NELL2: variants seen among roughly 807,000 people sequenced by gnomAD.
NELL2 encodes the protein protein kinase C-binding protein NELL2.
NELL2 carries 41 observed loss-of-function variants against 109.6 expected under a neutral mutation model. The ratio of observed to expected loss-of-function variants is 0.37; its 90% CI spans 0.29 to 0.49. NELL2 has a LOEUF of 0.49. Among genes scored for constraint, NELL2 ranks in the 20% least tolerant of loss-of-function variants. The pLI is 0.98. For synonymous variants in NELL2, 355 were observed against 344.7 expected (o/e 1.03, Z -0.33); for missense variants, 900 against 1,008.3 (o/e 0.89, Z 1.45).
chr12:44,875,811 T>A lies in NELL2; in HGVS notation c.55+4A>T. 6.2e-7 allele frequency: 1 copy of A among 1,613,536 alleles called. No homozygotes were observed. The highest frequency in any genetic ancestry group is 8.5e-7 in the Non-Finnish European group (1 of 1,179,996). On this transcript the variant is annotated splice_donor_region_variant and intron_variant, in intron 1 of 19. Transcript: ENST00000429094. ...TCCCCAGCCCCAGCTCTGCGGCCACTCACCTGCTCCGAGACCGAAGATCAA... is the reference window on the plus strand; with the variant it reads ...TCCCCAGCCCCAGCTCTGCGGCCACACACCTGCTCCGAGACCGAAGATCAA...
At chr12:44,684,091 T>C (rs1948626040) in intron 12 of NELL2, among the ~76,000 whole-genome samples, 1 of 152,244 alleles carries the variant, frequency 6.6e-6, no homozygotes, top group South Asian at 2.1e-4. Flanking sequence ...TGCCACAATT[T>C]CAGAGCCTGT....
chr12:44,901,485 T>C (rs1945660340), intron 1 of NELL2, among the ~76,000 whole-genome samples: 2 of 152,168 alleles, frequency 1.3e-5, no homozygotes, highest in Non-Finnish European at 2.9e-5. Context: ...AAGGAGCTGG[T>C]ACCATTCCTT....
intron 10 of NELL2, among the ~76,000 whole-genome samples, chr12:44,711,831 C>A (rs60346357): frequency 5.3e-5 from 8 of 151,980 alleles, no homozygotes; most frequent in Admixed American, 4.6e-4. Flanking sequence ...GAGATTCTCA[C>A]AGATGATTCT....
At chr12:44,773,194 G>T (rs1392498908) in intron 9 of NELL2, among the ~76,000 whole-genome samples, 1 of 152,160 alleles carries the variant, frequency 6.6e-6, no homozygotes, top group African/African-American at 2.4e-5. Context: ...GTTAAAGCAG[G>T]GCAGGGCACG....
At chr12:44,546,395 A>G (rs1299860700) in intron 15 of NELL2, among the ~76,000 whole-genome samples, 1 of 151,978 alleles carries the variant, frequency 6.6e-6, no homozygotes, top group Non-Finnish European at 1.5e-5. Context: ...TATAACAACC[A>G]CTTCCATCTC....
intron 15 of NELL2, among the ~76,000 whole-genome samples, chr12:44,583,075 T>C (rs1005375031): frequency 4.6e-5 from 7 of 152,164 alleles, no homozygotes; most frequent in Non-Finnish European, 8.8e-5. Flanking sequence ...AAATTTCTTT[T>C]CACTAAAATT....
At chr12:44,758,227 T>A (rs571319466) in intron 9 of NELL2, among the ~76,000 whole-genome samples, 1 of 152,224 alleles carries the variant, frequency 6.6e-6, no homozygotes, top group African/African-American at 2.4e-5. Context: ...CTATTCAAAA[T>A]CTGGAAATTG....
At chr12:44,554,397 A>G (rs1943159684) in intron 15 of NELL2, among the ~76,000 whole-genome samples, 1 of 152,212 alleles carries the variant, frequency 6.6e-6, no homozygotes, top group Non-Finnish European at 1.5e-5. Flanking sequence ...ATGCTAGGAA[A>G]TGCAAAGTAA....
intron 3 of NELL2, among the ~76,000 whole-genome samples, chr12:44,802,255 C>T (rs1365714615): frequency 1.3e-5 from 2 of 151,936 alleles, no homozygotes; most frequent in South Asian, 2.1e-4. Context: ...TAGTGGAAAA[C>T]ATGAGGTTTA....
intron 2 of NELL2, among the ~76,000 whole-genome samples, chr12:44,839,093 G>A (rs1944142744): frequency 6.7e-6 from 1 of 149,962 alleles, no homozygotes; most frequent in Non-Finnish European, 1.5e-5. Context: ...TGCCACACGT[G>A]TGAATTTATA....
At chr12:44,899,390 G>T (rs1184462657) in intron 1 of NELL2, among the ~76,000 whole-genome samples, 1 of 152,208 alleles carries the variant, frequency 6.6e-6, no homozygotes, top group African/African-American at 2.4e-5. Context: ...ACAAAGGGAA[G>T]CACATCAGAC....
chr12:44,520,374 C>A (rs1190613005), intron 18 of NELL2, 145 bp from the exon 19 acceptor site: 3 of 654,982 alleles, frequency 4.6e-6, no homozygotes, highest in Non-Finnish European at 7.7e-6. Context: ...GCCCATGAAT[C>A]TTTCAGGGAA....
intron 13 of NELL2, among the ~76,000 whole-genome samples, chr12:44,623,039 G>A (rs889828312): frequency 6.6e-6 from 1 of 151,962 alleles, no homozygotes; most frequent in African/African-American, 2.4e-5. Flanking sequence ...ATCTTTAAAG[G>A]TCTTTTAATA....
intron 1 of NELL2, among the ~76,000 whole-genome samples, chr12:44,920,607 A>T (rs1464887508): frequency 6.6e-6 from 1 of 152,192 alleles, no homozygotes; most frequent in East Asian, 1.9e-4. Flanking sequence ...ATTAAAGCTC[A>T]TCTACTGCCC....
At chr12:44,856,745 G>C (rs2658968) in intron 2 of NELL2, among the ~76,000 whole-genome samples, 150,416 of 152,268 alleles carry the variant, frequency 0.99, 74,334 homozygotes, top group Non-Finnish European at 1. Context: ...GGAGTGTGCA[G>C]GTAAGACTTT....
intron 1 of NELL2, among the ~76,000 whole-genome samples, chr12:44,899,803 A>G (rs972705966): frequency 1.3e-5 from 2 of 152,206 alleles, no homozygotes; most frequent in Non-Finnish European, 2.9e-5. Context: ...CCCAATTAAA[A>G]GACACAGACT....
intron 15 of NELL2, among the ~76,000 whole-genome samples, chr12:44,574,250 C>A (rs1027197246): frequency 1.3e-5 from 2 of 151,756 alleles, no homozygotes; most frequent in African/African-American, 2.4e-5. Flanking sequence ...TACAGGCGTG[C>A]GCCACAACGC....
intron 12 of NELL2, among the ~76,000 whole-genome samples, chr12:44,700,163 C>T (rs549252187): frequency 6.6e-6 from 1 of 152,268 alleles, no homozygotes; most frequent in African/African-American, 2.4e-5. Context: ...CCTCTCTCCT[C>T]ATCATCTACT....
chr12:44,872,663 G>A (rs1360493785), intron 2 of NELL2, among the ~76,000 whole-genome samples: 1 of 152,058 alleles, frequency 6.6e-6, no homozygotes, highest in Non-Finnish European at 1.5e-5. Context: ...TTACATTACT[G>A]CAGGAAAAAT....
Sources: allele counts gnomAD v4.1 joint callset (sites outside exome capture counted in the v4.1 genomes callset), GRCh38; gene constraint gnomAD v4.1.1; transcripts MANE v1.5; gene names NCBI Gene and HGNC (gene_info 2026-07-23, HGNC 2026-07-21).